Variants in UTP23 observed in about 807,000 individuals in gnomAD.
UTP23 encodes the protein rRNA-processing protein UTP23 homolog.
A neutral mutation model predicts 19.8 loss-of-function variants in UTP23; 10 were observed. The observed-to-expected ratio is 0.50, with a 90% CI of 0.31 to 0.86. The LOEUF (loss-of-function observed/expected upper bound fraction) is 0.86, where lower values mean the gene tolerates loss of function less well. Among genes scored for constraint, UTP23 ranks in the 40% least tolerant of loss-of-function variants. UTP23 has a pLI of 0.05. For synonymous variants in UTP23, 108 were observed against 105.4 expected, an observed-to-expected ratio of 1.02 and a Z score of -0.15; for missense variants, 282 against 293.1, an observed-to-expected ratio of 0.96 and a Z score of 0.28.
chr8:116,774,625 C>T lies in UTP23; in HGVS notation c.*2783C>T, dbSNP rs878858599. On this transcript the variant is annotated 3_prime_UTR_variant, in exon 3 of 3. Coordinates refer to ENST00000309822, the MANE Select transcript of UTP23 (RefSeq NM_032334.3). ...TATTCCAATAAGAATATATTCCATACGGGAATATATTAGTCATTGATGTAT... is the reference window on the plus strand; with the variant it reads ...TATTCCAATAAGAATATATTCCATATGGGAATATATTAGTCATTGATGTAT... The T allele has an allele frequency of 1.1e-4, 79 of 742,264 alleles. No homozygotes were observed. The highest frequency in any genetic ancestry group is 1.9e-4 in the Admixed American group (3 of 15,594). The allele number at this position is 742,264 out of a possible 1,614,324, so 46.0% of individuals were successfully genotyped here.
At chr8:116,771,298 C>T (rs1278326442) in intron 2 of UTP23, among the ~76,000 whole-genome samples, 158 bp from the exon 3 acceptor site, 1 of 152,170 alleles carries the variant, frequency 6.6e-6, no homozygotes. Flanking sequence ...CTTCCTTTAT[C>T]ATGAAATATA....
In UTP23 at chr8:116,766,548, G is replaced by C; in HGVS notation, c.-56G>C. The C allele has an allele frequency of 1.3e-6, 2 of 1,562,842 alleles. No individual in the cohort carries two copies. The highest frequency in any genetic ancestry group is 1.7e-6 in the Non-Finnish European group (2 of 1,152,830). ...TGGCATTGAGGGTACTGGGGCGTGC[G>C]TGAGGCGTTTACTGATGCTTCCTGG... On this transcript the variant is annotated 5_prime_UTR_variant, in exon 1 of 3. Coordinates refer to ENST00000309822, the MANE Select transcript of UTP23 (RefSeq NM_032334.3).
At chr8:116,770,542 G>T in intron 2 of UTP23, 176 bp downstream of exon 2, 1 of 567,734 alleles carries the variant, frequency 1.8e-6, no homozygotes, top group Non-Finnish European at 2.8e-6. Context: ...AAAACTTTAA[G>T]CATGTTGATA....
chr8:116,770,107 GTTTTA>G (rs1815631176), intron 1 of UTP23, 80 bp from the exon 2 acceptor site: 21 of 1,328,000 alleles, frequency 1.6e-5, no homozygotes, highest in Non-Finnish European at 2.1e-5. Flanking sequence ...TAACAGCATA[GTTTTA>G]TTTTAAGAAA....
At chr8:116,771,139 C>A (rs539313409) in intron 2 of UTP23, among the ~76,000 whole-genome samples, 3 of 152,136 alleles carry the variant, frequency 2.0e-5, no homozygotes, top group Non-Finnish European at 4.4e-5. Flanking sequence ...GCATTCTTGA[C>A]CCTTTCCAAA....
chr8:116,770,650 T>C (rs866402445), intron 2 of UTP23: 1 of 244,486 alleles, frequency 4.1e-6, no homozygotes, highest in Non-Finnish European at 7.9e-6. Flanking sequence ...TCTCACTATA[T>C]TGCCTAGGCT....
In UTP23 at chr8:116,771,947, T is replaced by C; in HGVS notation, c.*105T>C. ...ACTTATTTTTGTAAATGAACCCATATGCTTTAGCTAAAATTAATTATAAAA... is the reference window on the plus strand; with the variant it reads ...ACTTATTTTTGTAAATGAACCCATACGCTTTAGCTAAAATTAATTATAAAA... On this transcript the variant is annotated 3_prime_UTR_variant, in exon 3 of 3. Transcript: ENST00000309822. 3 of 1,454,466 alleles carry C rather than the reference T, an allele frequency of 2.1e-6. No homozygotes were observed. The South Asian group carries it at 4.8e-5, about 23-fold the overall frequency. 90.1% of individuals were successfully genotyped at this position (1,454,466 alleles called of 1,614,324 possible).
At position 116,772,214 on chromosome 8, in the gene UTP23, G is replaced by T; in HGVS notation, c.*372G>T. On this transcript the variant is annotated 3_prime_UTR_variant, in exon 3 of 3. Transcript: ENST00000309822. ...AAATAAAAACAGTGAATGGGTGTAG[G>T]TGTGATGGAATTCACTTTACTTACT... 1 of 990,430 alleles carries T rather than the reference G, an allele frequency of 1.0e-6. No individual in the cohort carries two copies. Among genetic ancestry groups the T allele is most frequent in the East Asian group, 1.1e-4 (1 of 9,416 alleles). The allele number at this position is 990,430 out of a possible 1,614,324, so 61.4% of individuals were successfully genotyped here. A position where few individuals can be genotyped will look rare whatever the true frequency, so the allele number is the denominator to read the frequency against.
chr8:116,770,041 G>A (rs940549195), intron 1 of UTP23, 151 bp from the exon 2 acceptor site: 4 of 682,168 alleles, frequency 5.9e-6, no homozygotes, highest in Non-Finnish European at 9.2e-6. Flanking sequence ...CTTGGTAAAT[G>A]CATTTTTCAA....
At chr8:116,767,160 G>A (rs1172654178) in intron 1 of UTP23, among the ~76,000 whole-genome samples, 1 of 152,314 alleles carries the variant, frequency 6.6e-6, no homozygotes, top group Non-Finnish European at 1.5e-5. Flanking sequence ...GAAGATTGCT[G>A]TAAGCTCAAA....
intron 1 of UTP23, among the ~76,000 whole-genome samples, chr8:116,768,055 C>T (rs1033870722): frequency 6.6e-6 from 1 of 152,168 alleles, no homozygotes; most frequent in Non-Finnish European, 1.5e-5. Context: ...ACCCCCATCT[C>T]TAACTACAGC....
chr8:116,766,923 A>C, intron 1 of UTP23, 132 bp downstream of exon 1: 1 of 886,800 alleles, frequency 1.1e-6, no homozygotes, highest in Non-Finnish European at 1.7e-6. Context: ...TTGACAGTTA[A>C]GTGGAGAGGT....
Position 116,766,598 on chromosome 8 carries a change from C to G in UTP23, c.-6C>G. On this transcript the variant is annotated 5_prime_UTR_variant, in exon 1 of 3. Coordinates refer to ENST00000309822, the MANE Select transcript of UTP23 (RefSeq NM_032334.3). ...GTCCGGTGGCCTCGGTCCCGGTAAG[C>G]CAGGCATGAAGATCACAAGGCAGAA... is the stretch of plus-strand genomic sequence containing the variant. 9.3e-6 allele frequency: 15 copies of G among 1,610,586 alleles called. No individual in the cohort carries two copies. The highest frequency in any genetic ancestry group is 1.3e-5 in the Non-Finnish European group (15 of 1,178,160).
intron 1 of UTP23, among the ~76,000 whole-genome samples, chr8:116,769,112 G>A (rs1222437257): frequency 6.6e-5 from 10 of 152,222 alleles, no homozygotes; most frequent in Non-Finnish European, 2.9e-5. Context: ...CAGGTTTGAA[G>A]ATGTGTGGAG....
Position 116,772,518 on chromosome 8 carries a change from C to G in UTP23, c.*676C>G. 1.0e-6 allele frequency: 1 copy of G among 984,338 alleles called. No individual in the cohort carries two copies. Among genetic ancestry groups the G allele is most frequent in the South Asian group, 4.7e-5 (1 of 21,238 alleles). The allele number at this position is 984,338 out of a possible 1,614,324, so 61.0% of individuals were successfully genotyped here. On this transcript the variant is annotated 3_prime_UTR_variant, in exon 3 of 3. Transcript: ENST00000309822. ...CCTACTAGAAAGAGTGAAATTTTGC[C>G]CATTTATACTGCACCATTTTTCCAG...
intron 1 of UTP23, among the ~76,000 whole-genome samples, chr8:116,767,406 T>C (rs2131021517): frequency 6.6e-6 from 1 of 152,344 alleles, no homozygotes; most frequent in Non-Finnish European, 1.5e-5. Flanking sequence ...ATATGCCACA[T>C]ACTGCTCCCT....
In UTP23 at chr8:116,773,229, G is replaced by A. The variant is rs1385827236; in HGVS notation, c.*1387G>A. On this transcript the variant is annotated 3_prime_UTR_variant, in exon 3 of 3. Coordinates refer to ENST00000309822, the MANE Select transcript of UTP23 (RefSeq NM_032334.3). ...TTTTAATAAGGAAGGTAAAAATACT[G>A]GAAAAAAGTGAATAGTGTAGGTTTT... is the stretch of plus-strand genomic sequence containing the variant. The A allele has an allele frequency of 1.0e-6, 1 of 985,188 alleles. No homozygotes were observed. Among genetic ancestry groups the A allele is most frequent in the Non-Finnish European group, 1.2e-6 (1 of 829,914 alleles). 61.0% of individuals were successfully genotyped at this position (985,188 alleles called of 1,614,324 possible).
Position 116,770,200 on chromosome 8 carries a change from T to C in UTP23, c.197T>C (p.Leu66Ser). ...ATAATTTTTCTTTTCAGATGTGTGT[T>C]AAAAGAGCTAGAAACATTGGGAAAG... Reference protein sequence around the residue: ...ETQLCTTRCVLKELETLGKDL... With the variant: ...ETQLCTTRCVSKELETLGKDL... Residue 66 changes from leucine (L) to serine (S), a missense_variant, in exon 2 of 3, where the codon TTA becomes TCA. Transcript: ENST00000309822. 1 of 1,607,038 alleles carries C rather than the reference T, an allele frequency of 6.2e-7. No individual in the cohort carries two copies. The highest frequency in any genetic ancestry group is 8.5e-7 in the Non-Finnish European group (1 of 1,174,828).
chr8:116,766,551 A>T lies in UTP23; in HGVS notation c.-53A>T. On this transcript the variant is annotated 5_prime_UTR_variant, in exon 1 of 3. Coordinates refer to ENST00000309822, the MANE Select transcript of UTP23 (RefSeq NM_032334.3). ...CATTGAGGGTACTGGGGCGTGCGTG[A>T]GGCGTTTACTGATGCTTCCTGGTCC... 1 of 1,565,432 alleles carries T rather than the reference A, an allele frequency of 6.4e-7. No homozygotes were observed. The highest frequency in any genetic ancestry group is 1.7e-4 in the Middle Eastern group (1 of 5,820).
Sources: allele counts gnomAD v4.1 joint callset (sites outside exome capture counted in the v4.1 genomes callset), GRCh38; gene constraint gnomAD v4.1.1; transcripts MANE v1.5; gene names NCBI Gene and HGNC (gene_info 2026-07-23, HGNC 2026-07-21).